The following FBXO41 variants were observed in gnomAD, a reference collection of about 807,000 sequenced individuals.
FBXO41 encodes the protein F-box protein 41.
A neutral mutation model predicts 81.6 loss-of-function variants in FBXO41; 33 were observed. The observed-to-expected ratio is 0.40, with a 90% CI of 0.31 to 0.54. FBXO41 has a LOEUF of 0.54. Ranked by LOEUF, FBXO41 falls within the 20% of genes least tolerant of loss-of-function variation. FBXO41 has a pLI of 0.39. For missense variants in FBXO41, 1,107 were observed against 1,236.0 expected, an observed-to-expected ratio of 0.90 and a Z score of 1.56; for synonymous variants, 576 against 552.7, an observed-to-expected ratio of 1.04 and a Z score of -0.59.
intron 1 of FBXO41, among the ~76,000 whole-genome samples, chr2:73,280,567 G>A (rs1688818966): frequency 6.6e-6 from 1 of 152,136 alleles, no homozygotes; most frequent in Non-Finnish European, 1.5e-5. Context: ...TTGCTCCATG[G>A]GGAAATGCCA....
At chr2:73,271,711 A>G (rs916215326) in intron 1 of FBXO41, among the ~76,000 whole-genome samples, 9 of 146,638 alleles carry the variant, frequency 6.1e-5, no homozygotes, top group African/African-American at 2.3e-4. Context: ...GCTCACTACA[A>G]CCTCCCCCTC....
At position 73,256,235 on chromosome 2, in the gene FBXO41, G is replaced by A. The variant is rs1025711110; in HGVS notation, c.*2747C>T. On this transcript the variant is annotated 3_prime_UTR_variant, in exon 13 of 13. Transcript: ENST00000520530. ...ATGAGATGTGAAGGGATCCCGTTTG[G>A]GTGGGTAAAGATGGATGAAGTGCTT... The A allele has an allele frequency of 6.6e-6, 1 of 152,234 alleles. No homozygotes were observed. The highest frequency in any genetic ancestry group is 2.4e-5 in the African/African-American group (1 of 41,414). The allele number at this position is 152,234 out of a possible 1,614,324, so 9.4% of individuals were successfully genotyped here. A position where few individuals can be genotyped will look rare whatever the true frequency, so the allele number is the denominator to read the frequency against.
intron 2 of FBXO41, among the ~76,000 whole-genome samples, chr2:73,267,646 A>G (rs1171421979): frequency 1.3e-5 from 2 of 152,236 alleles, no homozygotes; most frequent in African/African-American, 4.8e-5. Context: ...CTTGGCTTAC[A>G]ATGGGGATAC....
Position 73,260,290 on chromosome 2 carries a change from ACT to A in FBXO41, c.2449+97_2449+98del. 6.9e-7 allele frequency: 1 copy of A among 1,453,348 alleles called. No homozygotes were observed. Among genetic ancestry groups the A allele is most frequent in the Non-Finnish European group, 9.3e-7 (1 of 1,074,922 alleles). 90.0% of individuals were successfully genotyped at this position (1,453,348 alleles called of 1,614,324 possible). A position where few individuals can be genotyped will look rare whatever the true frequency, so the allele number is the denominator to read the frequency against. Reference sequence around the variant, plus strand: ...CCCCTGCCTCTGCCCTTGGCTGGAGACTCTGATCCATCTGCCCCAGTGATAGT... The same window carrying A: ...CCCCTGCCTCTGCCCTTGGCTGGAGACTGATCCATCTGCCCCAGTGATAGT... On this transcript the variant is annotated intron_variant, in intron 11 of 12. Transcript: ENST00000520530. The surrounding 1 kb of genome is among the most constrained non-coding windows in gnomAD (Gnocchi z 5.0).
At chr2:73,268,192 T>C (rs754981062) in intron 2 of FBXO41, among the ~76,000 whole-genome samples, 3 of 152,008 alleles carry the variant, frequency 2.0e-5, no homozygotes, top group African/African-American at 7.3e-5. Context: ...ATGGGGACCC[T>C]GGTAGAGGTG....
intron 1 of FBXO41, chr2:73,270,766 T>C: frequency 5.6e-6 from 3 of 532,796 alleles, no homozygotes; most frequent in Non-Finnish European, 1.2e-5. Flanking sequence ...TGCCCCTCCA[T>C]CTCTGGCTTC....
At chr2:73,274,564 T>G (rs1017430069) in intron 1 of FBXO41, among the ~76,000 whole-genome samples, 2 of 152,220 alleles carry the variant, frequency 1.3e-5, no homozygotes, top group Non-Finnish European at 1.5e-5. Context: ...TTATAAACAG[T>G]TACATATGTT....
At chr2:73,278,260 C>T (rs756032530) in intron 1 of FBXO41, among the ~76,000 whole-genome samples, 1 of 152,226 alleles carries the variant, frequency 6.6e-6, no homozygotes, top group South Asian at 2.1e-4. Context: ...GTCCTCACCA[C>T]ATCTGTGAGG....
intron 2 of FBXO41, among the ~76,000 whole-genome samples, chr2:73,267,394 C>A (rs574003720): frequency 6.6e-6 from 1 of 152,306 alleles, no homozygotes; most frequent in African/African-American, 2.4e-5. Flanking sequence ...AATGTGGAAG[C>A]ATACTGATAG....
In FBXO41 at chr2:73,278,401, G is replaced by T. The variant is rs548262570; in HGVS notation, c.-139+5759C>A. 2.0e-5 allele frequency among the ~76,000 whole-genome samples: 3 copies of T among 152,284 alleles called. No homozygotes were observed. In the East Asian group the frequency reaches 5.8e-4, roughly 29 times the overall value. ...TCCTAACTAATAGTCTCCCAAATCT[G>T]CATTTCTAGCCTAGATTTCTCTCCT... On this transcript the variant is annotated intron_variant, in intron 1 of 12. Transcript: ENST00000520530.
chr2:73,255,462 G>A lies in FBXO41; in HGVS notation c.*3520C>T, dbSNP rs1217738835. The A allele has an allele frequency of 1.3e-5, 2 of 152,982 alleles. No homozygotes were observed. Among genetic ancestry groups the A allele is most frequent in the Non-Finnish European group, 2.9e-5 (2 of 68,326 alleles). 9.5% of individuals were successfully genotyped at this position (152,982 alleles called of 1,614,324 possible). A position where few individuals can be genotyped will look rare whatever the true frequency, so the allele number is the denominator to read the frequency against. ...GCTGGGTGAGAAAGCATGGCCACTGGGTTGGAGAGAAGGGCCAGGCCCCCA... is the reference window on the plus strand; with the variant it reads ...GCTGGGTGAGAAAGCATGGCCACTGAGTTGGAGAGAAGGGCCAGGCCCCCA... On this transcript the variant is annotated 3_prime_UTR_variant, in exon 13 of 13. Coordinates refer to ENST00000520530, the MANE Select transcript of FBXO41 (RefSeq NM_001371389.2).
rs1169215163 is a variant in FBXO41 at position 73,269,114 on chromosome 2, G to A, written c.517C>T (p.Pro173Ser). 2.6e-6 allele frequency: 4 copies of A among 1,509,478 alleles called. No homozygotes were observed. The Admixed American group carries it at 8.6e-5, about 33-fold the overall frequency. 93.5% of individuals were successfully genotyped at this position (1,509,478 alleles called of 1,614,324 possible). ...GGGCAAGGGCCGGGGCCGGGGCCAGGCGGCGGCGTCGAGCACGCCGAGGAC... is the reference window on the plus strand; with the variant it reads ...GGGCAAGGGCCGGGGCCGGGGCCAGACGGCGGCGTCGAGCACGCCGAGGAC... ...VASSACSTPP[P>S]GPGPGPCPGP... The change falls in exon 2 of 13, where the codon CCT becomes TCT. Residue 173 changes from proline to serine, a missense_variant. Physicochemically the swap from Pro to Ser is moderately conservative, Grantham distance 74. Around this residue, in one of 2 missense-constraint regions of FBXO41, gnomAD observed 771 missense variants for 789.2 expected, o/e 0.98. Coordinates refer to ENST00000520530, the MANE Select transcript of FBXO41 (RefSeq NM_001371389.2). This position sits in a 1 kb window ranked among gnomAD's most constrained non-coding sequence, Gnocchi z 7.0.
At position 73,268,924 on chromosome 2, in the gene FBXO41, C is replaced by T. The variant is rs1303307347; in HGVS notation, c.707G>A (p.Arg236Gln). The T allele has an allele frequency of 2.6e-6, 4 of 1,541,722 alleles. No homozygotes were observed. The highest frequency in any genetic ancestry group is 3.5e-6 in the Non-Finnish European group (4 of 1,146,710). Reference sequence around the variant, plus strand: ...CTTGCGCTCCAGCTCGGCCTGCAGCCGGCCCACCTGGCCCGCGATCTTCTG... The same window carrying T: ...CTTGCGCTCCAGCTCGGCCTGCAGCTGGCCCACCTGGCCCGCGATCTTCTG... ...VEQKIAGQVG[R>Q]LQAELERKAA... The change falls in exon 2 of 13, where the codon CGG (arginine) becomes CAG (glutamine). Residue 236 changes from arginine (R) to glutamine (Q), a missense_variant. Transcript: ENST00000520530.
Position 73,268,776 on chromosome 2 carries a change from T to A in FBXO41, c.855A>T (p.Ser285=). ...CCTTGTGCACCAGGTCCTGCTTGAG[T>A]GAGGCCAGCAGCTCTACGCTCACGT... ...QVDVSVELLA[S]LKQDLVHKEQ... The change falls in exon 2 of 13, where the codon TCA becomes TCT. Residue 285 remains serine (S), a synonymous_variant. Transcript: ENST00000520530. The A allele has an allele frequency of 6.3e-7, 1 of 1,577,446 alleles. No individual in the cohort carries two copies. The highest frequency in any genetic ancestry group is 8.6e-7 in the Non-Finnish European group (1 of 1,161,080).
chr2:73,264,462 C>G lies in FBXO41; in HGVS notation c.1622G>C (p.Arg541Pro). ...CTCTGGGCTGATGACCTCATTGGAG[C>G]GTGAGGGGCTGACCCTCTCTGCTCG... ...GRRAERVSPS[R>P]SNEVISPEIL... The change falls in exon 6 of 13, where the codon CGC becomes CCC. Residue 541 changes from arginine to proline, a missense_variant. Arg to Pro is a moderately radical substitution (Grantham distance 103). This residue lies in a region of FBXO41 where 771 missense variants were observed against 789.2 expected (regional missense o/e 0.98). Coordinates refer to ENST00000520530, the MANE Select transcript of FBXO41 (RefSeq NM_001371389.2). The G allele has an allele frequency of 1.9e-6, 3 of 1,613,916 alleles. No homozygotes were observed. Among genetic ancestry groups the G allele is most frequent in the Non-Finnish European group, 1.7e-6 (2 of 1,179,884 alleles).
intron 9 of FBXO41, among the ~76,000 whole-genome samples, chr2:73,261,576 G>A (rs1688022485): frequency 6.6e-6 from 1 of 152,232 alleles, no homozygotes; most frequent in Non-Finnish European, 1.5e-5. Flanking sequence ...CCCTCAAAGA[G>A]TGGACAGTCT....
rs1380235535 is a variant in FBXO41, at chr2:73,254,973, C to T, written c.*4009G>A. On this transcript the variant is annotated 3_prime_UTR_variant, in exon 13 of 13. Coordinates refer to ENST00000520530, the MANE Select transcript of FBXO41 (RefSeq NM_001371389.2). The stretch of plus-strand genomic sequence containing the variant: ...CTTGGGGCTGGGGAAGCTACCCTCT[C>T]ACTCAGGCCCATTATAGCCTAGCTG... 5 of 152,700 alleles carry T rather than the reference C, an allele frequency of 3.3e-5. No individual in the cohort carries two copies. Among genetic ancestry groups the T allele is most frequent in the African/African-American group, 1.2e-4 (5 of 41,472 alleles). The allele number at this position is 152,700 out of a possible 1,614,324, so 9.5% of individuals were successfully genotyped here.
chr2:73,264,475 C>T lies in FBXO41; in HGVS notation c.1609G>A (p.Val537Ile). The change falls in exon 6 of 13, where the codon GTC becomes ATC. Residue 537 changes from valine (V) to isoleucine (I), a missense_variant. Physicochemically the swap from Val to Ile is conservative, Grantham distance 29. Around this residue, in one of 2 missense-constraint regions of FBXO41, gnomAD observed 771 missense variants for 789.2 expected, o/e 0.98. Coordinates refer to ENST00000520530, the MANE Select transcript of FBXO41 (RefSeq NM_001371389.2). ...ACCTCATTGGAGCGTGAGGGGCTGA[C>T]CCTCTCTGCTCGCCGACCCCGCCCA... ...GSGRGRRAER[V>I]SPSRSNEVIS... 1.9e-6 allele frequency: 3 copies of T among 1,613,870 alleles called. No homozygotes were observed. Among genetic ancestry groups the T allele is most frequent in the East Asian group, 2.2e-5 (1 of 44,882 alleles).
chr2:73,271,632 C>CCCCA (rs1553384782), intron 1 of FBXO41: 11 of 148,448 alleles, frequency 7.4e-5, no homozygotes, highest in Non-Finnish European at 3.0e-5. Flanking sequence ...CTCCCCCCCC[C>CCCCA]CCAACTTCTT....
Sources: gnomAD v4.1 joint callset for allele counts (sites outside exome capture counted in the v4.1 genomes callset) on GRCh38, gnomAD v4.1.1 for gene constraint, gnomAD v4.1.1 regional missense constraint, Gnocchi (gnomAD v3.1) non-coding constraint, MANE v1.5 for transcripts, NCBI Gene and HGNC (gene_info 2026-07-23, HGNC 2026-07-21) for gene names.